The following IRGQ variants were observed in gnomAD, a reference collection of about 807,000 sequenced individuals.
IRGQ encodes immunity related GTPase Q.
IRGQ carries 5 observed loss-of-function variants against 10.5 expected under a neutral mutation model. The observed-to-expected ratio is 0.48, with a 90% CI of 0.25 to 1.00. The LOEUF (loss-of-function observed/expected upper bound fraction) is 1.00, where lower values mean the gene tolerates loss of function less well. Ranked by LOEUF, IRGQ falls within the 50% of genes least tolerant of loss-of-function variation. The pLI, the probability that IRGQ is intolerant of heterozygous loss-of-function variation, is 0.16. For synonymous variants in IRGQ, 418 were observed against 426.0 expected (o/e 0.98, Z 0.23); for missense variants, 792 against 877.7 (o/e 0.90, Z 1.23).
chr19:43,587,336 A>G lies in IRGQ; in HGVS notation c.*4690T>C, dbSNP rs1326868724. On this transcript the variant is annotated 3_prime_UTR_variant, in exon 3 of 3. Transcript: ENST00000422989. Reference sequence around the variant, plus strand: ...CAAAGTGAGACTCTGTCTCAAAACAAAACAAAACAACCCAGCAACTTGGTC... The same window carrying G: ...CAAAGTGAGACTCTGTCTCAAAACAGAACAAAACAACCCAGCAACTTGGTC... 6.6e-6 allele frequency: 1 copy of G among 152,112 alleles called. No individual in the cohort carries two copies. The highest frequency in any genetic ancestry group is 1.5e-5 in the Non-Finnish European group (1 of 68,018). 9.4% of individuals were successfully genotyped at this position (152,112 alleles called of 1,614,324 possible).
At position 43,592,120 on chromosome 19, in the gene IRGQ, C is replaced by T. The variant is rs746843965; in HGVS notation, c.1778G>A (p.Gly593Asp). ...AGGAAATGGL[G>D]YRAAHGVLLQ... ...CAGGACGCCGTGAGCCGCTCGGTAG[C>T]CCAGGCCACCTGTCGCCGCTGCACC... The change falls in exon 3 of 3, where the codon GGC (glycine) becomes GAC (aspartate). Residue 593 changes from glycine to aspartate, a missense_variant. Gly to Asp is a moderately conservative substitution (Grantham distance 94, BLOSUM62 -1). Coordinates refer to ENST00000422989, the MANE Select transcript of IRGQ (RefSeq NM_001007561.3). 6.2e-7 allele frequency: 1 copy of T among 1,612,066 alleles called. No individual in the cohort carries two copies. The highest frequency in any genetic ancestry group is 1.7e-5 in the Admixed American group (1 of 60,010).
chr19:43,591,628 G>A lies in IRGQ; in HGVS notation c.*398C>T, dbSNP rs139221128. ...TTTGGGAGGCCGGAGCGGGTCGATC[G>A]CCTGAGGTCAGGAGTTCGAGGCCAG... is the stretch of plus-strand genomic sequence containing the variant. On this transcript the variant is annotated 3_prime_UTR_variant, in exon 3 of 3. Transcript: ENST00000422989. 1,219 of 160,764 alleles carry A rather than the reference G, an allele frequency of 7.6e-3. 12 individuals carry two copies. Among genetic ancestry groups the A allele is most frequent in the African/African-American group, 0.028 (1,158 of 41,800 alleles). The allele number at this position is 160,764 out of a possible 1,614,324, so 10.0% of individuals were successfully genotyped here. A position where few individuals can be genotyped will look rare whatever the true frequency, so the allele number is the denominator to read the frequency against.
Position 43,594,991 on chromosome 19 carries a change from G to C in IRGQ, c.348C>G (p.Leu116=). The C allele has an allele frequency of 1.2e-6, 2 of 1,613,816 alleles. No homozygotes were observed. Among genetic ancestry groups the C allele is most frequent in the East Asian group, 2.2e-5 (1 of 44,878 alleles). The change falls in exon 2 of 3, where the codon CTC becomes CTG. Residue 116 remains leucine, a synonymous_variant. Coordinates refer to ENST00000422989, the MANE Select transcript of IRGQ (RefSeq NM_001007561.3). ...CGGCAGTCTGTGAATCCCCAGGACG[G>C]AGGTTCCGCACAGCCAGTAGCGGGG... ...RGTPLLAVRN[L]RPGDSQTAAQ... is the part of the protein sequence containing the mutation.
Position 43,588,127 on chromosome 19 carries a change from C to G in IRGQ, c.*3899G>C, listed in dbSNP as rs1017054853. 2.0e-4 allele frequency: 30 copies of G among 152,044 alleles called. No homozygotes were observed. The highest frequency in any genetic ancestry group is 7.2e-4 in the African/African-American group (30 of 41,402). 9.4% of individuals were successfully genotyped at this position (152,044 alleles called of 1,614,324 possible). A position where few individuals can be genotyped will look rare whatever the true frequency, so the allele number is the denominator to read the frequency against. ...CTTAGCCAACATGGTGAAACCCCATCTCTACTAAAAATACAAAAATTAGGA... is the reference window on the plus strand; with the variant it reads ...CTTAGCCAACATGGTGAAACCCCATGTCTACTAAAAATACAAAAATTAGGA... On this transcript the variant is annotated 3_prime_UTR_variant, in exon 3 of 3. Coordinates refer to ENST00000422989, the MANE Select transcript of IRGQ (RefSeq NM_001007561.3).
chr19:43,593,124 G>T lies in IRGQ; in HGVS notation c.774C>A (p.Pro258=). ...GDPGAAPASV[P]TAPTPFPAPE... ...GGGCTGGGAAGGGAGTGGGTGCTGT[G>T]GGGACCGAAGCAGGCGCAGCGCCTG... The change falls in exon 3 of 3, where the codon CCC becomes CCA. Residue 258 remains proline (P), a synonymous_variant. Transcript: ENST00000422989. This position sits in a 1 kb window ranked among gnomAD's most constrained non-coding sequence, Gnocchi z 6.4. 6.4e-7 allele frequency: 1 copy of T among 1,568,956 alleles called. No individual in the cohort carries two copies.
chr19:43,592,945 G>A lies in IRGQ; in HGVS notation c.953C>T (p.Ala318Val). The A allele has an allele frequency of 6.2e-7, 1 of 1,610,398 alleles. No individual in the cohort carries two copies. Among genetic ancestry groups the A allele is most frequent in the Non-Finnish European group, 8.5e-7 (1 of 1,180,016 alleles). Reference protein sequence around the residue: ...PTEKDWAQVQALLLPDAPLVC... With the variant: ...PTEKDWAQVQVLLLPDAPLVC... ...AAGAGGCGCATCTGGTAGCAGCAAG[G>A]CCTGGACCTGGGCCCAGTCCTTCTC... Residue 318 changes from alanine (A) to valine (V), a missense_variant, in exon 3 of 3, where the codon GCC (alanine) becomes GTC (valine). By Grantham distance (64) the Ala-to-Val change is moderately conservative. Transcript: ENST00000422989.
chr19:43,592,366 C>G lies in IRGQ; in HGVS notation c.1532G>C (p.Gly511Ala). The change falls in exon 3 of 3, where the codon GGT (glycine) becomes GCT (alanine). Residue 511 changes from glycine to alanine, a missense_variant. Coordinates refer to ENST00000422989, the MANE Select transcript of IRGQ (RefSeq NM_001007561.3). Reference sequence around the variant, plus strand: ...GCCCCGTCGCCACTCCGCCAGCTGACCCCGCAGAAGTGCCACGTCGCATGC... The same window carrying G: ...GCCCCGTCGCCACTCCGCCAGCTGAGCCCGCAGAAGTGCCACGTCGCATGC... ...GWACDVALLR[G>A]QLAEWRRGLG... 6.3e-7 allele frequency: 1 copy of G among 1,577,476 alleles called. No individual in the cohort carries two copies. The highest frequency in any genetic ancestry group is 8.5e-7 in the Non-Finnish European group (1 of 1,169,946).
At position 43,592,560 on chromosome 19, in the gene IRGQ, C is replaced by T. The variant is rs372835321; in HGVS notation, c.1338G>A (p.Leu446=). The T allele has an allele frequency of 6.3e-6, 10 of 1,597,782 alleles. No homozygotes were observed. In the African/African-American group the frequency reaches 9.3e-5, roughly 15 times the overall value. ...CCTGGGCTGGGGGGAGCGCTCGCCG[C>T]AGCCATTCGCATAGCCCTGGGAGTC... ...PGGLPGLCEW[L]RRALPPAQAG... Residue 446 remains leucine (L), a synonymous_variant, in exon 3 of 3, where the codon CTG becomes CTA. Transcript: ENST00000422989.
rs763778952 is a variant in IRGQ at position 43,592,884 on chromosome 19, C to A, written c.1014G>T (p.Pro338=). The change falls in exon 3 of 3, where the codon CCG becomes CCT. Residue 338 remains proline (P), a synonymous_variant. Transcript: ENST00000422989. ...CVRTDGEGED[P]ECLGEGKMEN... ...CCATCTTGCCTTCTCCCAGACACTC[C>A]GGATCCTCGCCCTCGCCGTCTGTGC... 1 of 1,613,572 alleles carries A rather than the reference C, an allele frequency of 6.2e-7. No individual in the cohort carries two copies. Among genetic ancestry groups the A allele is most frequent in the Non-Finnish European group, 8.5e-7 (1 of 1,180,030 alleles).
At position 43,594,811 on chromosome 19, in the gene IRGQ, C is replaced by G. The variant is rs304725; in HGVS notation, c.528G>C (p.Arg176=). Residue 176 remains arginine, a splice_region_variant and synonymous_variant, in exon 2 of 3, where the codon CGG becomes CGC. Transcript: ENST00000422989. The part of the protein sequence containing the change: ...AALQSQAEAL[R]RLLPPAQDGF... ...CCAGCCAGAAAGCCGGCACTCACCTCCGCAGCGCTTCTGCCTGGCTCTGCA... is the reference window on the plus strand; with the variant it reads ...CCAGCCAGAAAGCCGGCACTCACCTGCGCAGCGCTTCTGCCTGGCTCTGCA... 846,411 of 1,599,408 alleles carry G rather than the reference C, an allele frequency of 0.53. 225,204 individuals carry two copies. The highest frequency in any genetic ancestry group is 0.57 in the Middle Eastern group (2,904 of 5,090).
At position 43,593,319 on chromosome 19, in the gene IRGQ, C is replaced by T; in HGVS notation, c.579G>A (p.Glu193=). The change falls in exon 3 of 3, where the codon GAG becomes GAA. Residue 193 remains glutamate, a synonymous_variant. Coordinates refer to ENST00000422989, the MANE Select transcript of IRGQ (RefSeq NM_001007561.3). This position sits in a 1 kb window ranked among gnomAD's most constrained non-coding sequence, Gnocchi z 6.4. ...QDGFEVLGAA[E]LEAVREAFET... is the part of the protein sequence containing the mutation. ...CAAAGGCCTCACGCACAGCCTCTAG[C>T]TCTGCTGCACCCAACACCTCGAAGC... 1 of 1,548,638 alleles carries T rather than the reference C, an allele frequency of 6.5e-7. No individual in the cohort carries two copies. Among genetic ancestry groups the T allele is most frequent in the Non-Finnish European group, 8.7e-7 (1 of 1,148,712 alleles).
In IRGQ at chr19:43,593,190, G is replaced by T. The variant is rs1415957009; in HGVS notation, c.708C>A (p.Gly236=). 1 of 1,566,756 alleles carries T rather than the reference G, an allele frequency of 6.4e-7. No individual in the cohort carries two copies. The highest frequency in any genetic ancestry group is 2.3e-5 in the East Asian group (1 of 44,172). The part of the protein sequence containing the change: ...DLAVAGKADV[G]LVVDMLLGLD... ...ATCCAAGCAGCATGTCCACCACAAG[G>T]CCCACGTCAGCCTTGCCAGCCACGG... The change falls in exon 3 of 3, where the codon GGC becomes GGA. Residue 236 remains glycine (G), a synonymous_variant. Transcript: ENST00000422989. This position sits in a 1 kb window ranked among gnomAD's most constrained non-coding sequence, Gnocchi z 6.4.
In IRGQ at chr19:43,591,912, TAAG is replaced by T. The variant is rs2146095919; in HGVS notation, c.*111_*113del. 2 of 997,786 alleles carry T rather than the reference TAAG, an allele frequency of 2.0e-6. No individual in the cohort carries two copies. The highest frequency in any genetic ancestry group is 1.8e-5 in the South Asian group (1 of 55,480). 61.8% of individuals were successfully genotyped at this position (997,786 alleles called of 1,614,324 possible). A position where few individuals can be genotyped will look rare whatever the true frequency, so the allele number is the denominator to read the frequency against. On this transcript the variant is annotated 3_prime_UTR_variant, in exon 3 of 3. Transcript: ENST00000422989. ...CCCCAGACTCTCTGAATCCAGGTGA[TAAG>T]AAGTCACACATCCCAGCTGGAAGTC...
chr19:43,595,951 T>TCTTTCCC (rs1264782393), intron 1 of IRGQ, 31 bp downstream of exon 1: 2 of 152,280 alleles, frequency 1.3e-5, no homozygotes, highest in African/African-American at 4.8e-5. Flanking sequence ...GTTATTTTCA[T>TCTTTCCC]CTTTCCCCTT....
Position 43,594,874 on chromosome 19 carries a change from G to A in IRGQ, c.465C>T (p.Ser155=), listed in dbSNP as rs748669221. The A allele has an allele frequency of 1.4e-5, 22 of 1,613,450 alleles. No homozygotes were observed. In the Admixed American group the frequency reaches 2.2e-4, roughly 16 times the overall value. ...LFVLPANCGS[S]DGCEELERLR... ...GGCGCTCTAGCTCCTCGCAGCCGTC[G>A]CTGCTGCCGCAGTTCGCCGGTAGCA... The change falls in exon 2 of 3, where the codon AGC becomes AGT. Residue 155 remains serine (S), a synonymous_variant. Coordinates refer to ENST00000422989, the MANE Select transcript of IRGQ (RefSeq NM_001007561.3).
chr19:43,591,958 T>A lies in IRGQ; in HGVS notation c.*68A>T. On this transcript the variant is annotated 3_prime_UTR_variant, in exon 3 of 3. Transcript: ENST00000422989. Reference sequence around the variant, plus strand: ...TGGAAGTCAAGAGTCCACATCCCCTTCAAGCACCCAGGATTAAGCCCAGGC... The same window carrying A: ...TGGAAGTCAAGAGTCCACATCCCCTACAAGCACCCAGGATTAAGCCCAGGC... 1 of 1,493,450 alleles carries A rather than the reference T, an allele frequency of 6.7e-7. No homozygotes were observed. Among genetic ancestry groups the A allele is most frequent in the South Asian group, 1.3e-5 (1 of 76,264 alleles). 92.5% of individuals were successfully genotyped at this position (1,493,450 alleles called of 1,614,324 possible).
rs746966111 is a variant in IRGQ, at chr19:43,593,083, A to G, written c.815T>C (p.Val272Ala). ...GCCCAGAGGCACGGTCCAGAGCACC[A>G]CATTCGGGCGCTCTGGGGCTGGGAA... is the stretch of plus-strand genomic sequence containing the variant. Reference protein sequence around the residue: ...TPFPAPERPNVVLWTVPLGHT... With the variant: ...TPFPAPERPNAVLWTVPLGHT... Residue 272 changes from valine (V) to alanine (A), a missense_variant, in exon 3 of 3, where the codon GTG becomes GCG. Val to Ala is a moderately conservative substitution (Grantham distance 64). Transcript: ENST00000422989. The surrounding 1 kb of genome is among the most constrained non-coding windows in gnomAD (Gnocchi z 6.4). The G allele has an allele frequency of 3.8e-6, 6 of 1,592,150 alleles. No homozygotes were observed. The highest frequency in any genetic ancestry group is 5.1e-6 in the Non-Finnish European group (6 of 1,165,172).
At chr19:43,595,398 C>G (rs1426226792) in intron 1 of IRGQ, 58 bp from the exon 2 acceptor site, 1 of 1,470,460 alleles carries the variant, frequency 6.8e-7, no homozygotes, top group Admixed American at 2.3e-5. Context: ...TTTTCCTTTC[C>G]TAGCCGCCCC....
rs1267048807 is a variant in IRGQ, at chr19:43,584,731, G to A, written c.*7295C>T. ...CTGGGTTCAGCTGCCTATCAGCTAG[G>A]GAGCTCTGTTTCAGAGGTTGGTTGG... On this transcript the variant is annotated 3_prime_UTR_variant, in exon 3 of 3. Coordinates refer to ENST00000422989, the MANE Select transcript of IRGQ (RefSeq NM_001007561.3). The A allele has an allele frequency of 6.6e-6, 1 of 152,234 alleles. No homozygotes were observed. The highest frequency in any genetic ancestry group is 1.5e-5 in the Non-Finnish European group (1 of 68,042). 9.4% of individuals were successfully genotyped at this position (152,234 alleles called of 1,614,324 possible).
Sources: allele counts gnomAD v4.1 joint callset, GRCh38; gene constraint gnomAD v4.1.1; non-coding constraint Gnocchi (gnomAD v3.1); transcripts MANE v1.5; gene names NCBI Gene and HGNC (gene_info 2026-07-23, HGNC 2026-07-21).